The following ELP3 variants were observed in gnomAD, a reference collection of about 807,000 sequenced individuals.
The protein encoded by ELP3 is elongator complex protein 3.
A neutral mutation model predicts 74.9 loss-of-function variants in ELP3; 56 were observed. The observed-to-expected ratio is 0.75, with a 90% CI of 0.60 to 0.93. The LOEUF is 0.93. Among genes scored for constraint, ELP3 ranks in the 40% least tolerant of loss-of-function variants. The probability of loss-of-function intolerance (pLI) is 0.00; values close to 1 mark genes in which losing one functional copy is unlikely to be tolerated. For missense variants in ELP3, 573 were observed against 686.5 expected, an observed-to-expected ratio of 0.83 and a Z score of 1.85; for synonymous variants, 222 against 239.8, an observed-to-expected ratio of 0.93 and a Z score of 0.68.
intron 3 of ELP3, among the ~76,000 whole-genome samples, chr8:28,105,988 A>T (rs1811671061): frequency 6.6e-6 from 1 of 152,210 alleles, no homozygotes; most frequent in Non-Finnish European, 1.5e-5. Flanking sequence ...TGTGTTCATG[A>T]GGCGTTTGAG....
chr8:28,186,602 C>T (rs1815250411), intron 14 of ELP3, among the ~76,000 whole-genome samples: 1 of 152,186 alleles, frequency 6.6e-6, no homozygotes, highest in African/African-American at 2.4e-5. Flanking sequence ...GTTTTGGAGG[C>T]TGAAAAGTCC....
chr8:28,116,587 A>T (rs992583456), intron 7 of ELP3, among the ~76,000 whole-genome samples: 4 of 152,174 alleles, frequency 2.6e-5, no homozygotes, highest in African/African-American at 9.7e-5. Flanking sequence ...TAAAAATGTA[A>T]AAATTAGCTG....
chr8:28,108,457 C>CTTTTTT (rs33948469), intron 5 of ELP3, among the ~76,000 whole-genome samples: 7 of 117,570 alleles, frequency 6.0e-5, no homozygotes, highest in Non-Finnish European at 1.0e-4. Flanking sequence ...ATTTTTTTTT[C>CTTTTTT]TTTTTTTTTT....
chr8:28,120,054 G>A (rs888879101), intron 7 of ELP3, among the ~76,000 whole-genome samples: 2 of 152,134 alleles, frequency 1.3e-5, no homozygotes, highest in African/African-American at 4.8e-5. Context: ...AAACTTCAGC[G>A]TACGTTCTTG....
At chr8:28,137,649 G>T (rs1019614389) in intron 9 of ELP3, 49 bp from the exon 10 acceptor site, 2 of 1,569,008 alleles carry the variant, frequency 1.3e-6, no homozygotes, top group Non-Finnish European at 1.7e-6. Flanking sequence ...CACCCTCGGT[G>T]ATCTCTGCAT....
At chr8:28,179,381 T>C (rs952221534) in intron 14 of ELP3, among the ~76,000 whole-genome samples, 1 of 152,212 alleles carries the variant, frequency 6.6e-6, no homozygotes, top group Non-Finnish European at 1.5e-5. Flanking sequence ...ATACCTTTAG[T>C]TGGTAGCAAG....
intron 1 of ELP3, among the ~76,000 whole-genome samples, chr8:28,094,283 C>G (rs972166574): frequency 6.6e-6 from 1 of 152,244 alleles, no homozygotes; most frequent in Non-Finnish European, 1.5e-5. Flanking sequence ...GGCCGCCAAC[C>G]TCCTAACCCA....
chr8:28,160,276 A>C lies in ELP3; in HGVS notation c.1305A>C (p.Thr435=), dbSNP rs774523449. 1.9e-6 allele frequency: 3 copies of C among 1,614,192 alleles called. No homozygotes were observed. In the Admixed American group the frequency reaches 5.0e-5, roughly 27 times the overall value. The change falls in exon 13 of 15, where the codon ACA becomes ACC. Residue 435 remains threonine, a synonymous_variant. Transcript: ENST00000256398. ...ATGTTGCAAATGGTGGCTGGGAAAC[A>C]TTCTTGTCATACGAAGACCCAGATC... ...RDYVANGGWE[T]FLSYEDPDQD... is the part of the protein sequence containing the mutation.
chr8:28,105,211 G>T (rs202186353), intron 3 of ELP3, among the ~76,000 whole-genome samples: 4 of 151,020 alleles, frequency 2.6e-5, no homozygotes, highest in African/African-American at 9.8e-5. Flanking sequence ...GCAAAACCCT[G>T]TCTCTACTAA....
intron 6 of ELP3, among the ~76,000 whole-genome samples, chr8:28,111,255 G>A (rs765644788): frequency 5.3e-5 from 8 of 152,094 alleles, no homozygotes; most frequent in Admixed American, 6.6e-5. Flanking sequence ...GGATTTTATC[G>A]TATTTAAATT....
intron 12 of ELP3, 55 bp downstream of exon 12, chr8:28,158,688 C>T (rs535970119): frequency 5.7e-6 from 8 of 1,400,868 alleles, no homozygotes; most frequent in African/African-American, 5.7e-5. Context: ...TCTTTGCCAA[C>T]CCTGGGCCCA....
intron 10 of ELP3, among the ~76,000 whole-genome samples, chr8:28,142,806 G>A (rs1218298598): frequency 6.6e-6 from 1 of 152,036 alleles, no homozygotes; most frequent in Non-Finnish European, 1.5e-5. Flanking sequence ...TATTTTTTAT[G>A]TAGTTTTGGT....
chr8:28,155,309 A>G (rs1408737759), intron 10 of ELP3, among the ~76,000 whole-genome samples: 1 of 152,202 alleles, frequency 6.6e-6, no homozygotes. Context: ...AATGGAACTC[A>G]TAACTTCAGC....
rs182000083 is a variant in ELP3, at chr8:28,150,805, A to G, written c.1101-5137A>G. 3.4e-3 allele frequency among the ~76,000 whole-genome samples: 510 copies of G among 151,994 alleles called. 2 individuals carry two copies. The highest frequency in any genetic ancestry group is 4.2e-3 in the Non-Finnish European group (284 of 67,980). ...CAGTCACTTGTTTCAAATATTTCTT[A>G]TATTATTTTGTTTCTTCTCTTTCTG... On this transcript the variant is annotated intron_variant, in intron 10 of 14. Coordinates refer to ENST00000256398, the MANE Select transcript of ELP3 (RefSeq NM_018091.6).
At chr8:28,125,333 A>C (rs765159019) in intron 7 of ELP3, among the ~76,000 whole-genome samples, 2 of 152,238 alleles carry the variant, frequency 1.3e-5, no homozygotes, top group Non-Finnish European at 2.9e-5. Context: ...ATGAGGTTGC[A>C]GCATGTCCAC....
rs370161277 is a variant in ELP3 at position 28,093,220 on chromosome 8, G to A, written c.6G>A (p.Arg2=). 1.7e-5 allele frequency: 28 copies of A among 1,613,180 alleles called. No individual in the cohort carries two copies. The Middle Eastern group carries it at 8.2e-4, about 47-fold the overall frequency. Reference sequence around the variant, plus strand: ...TCTGCTACGGCGGCGCAGAAATGAGGCAGAAGCGGAAAGGTGCGAAAGGGG... The same window carrying A: ...TCTGCTACGGCGGCGCAGAAATGAGACAGAAGCGGAAAGGTGCGAAAGGGG... The part of the protein sequence containing the change: M[R]QKRKGDLSPA... Residue 2 remains arginine, a synonymous_variant, in exon 1 of 15, where the codon AGG becomes AGA. Transcript: ENST00000256398.
At chr8:28,131,779 G>A (rs962251604) in intron 8 of ELP3, among the ~76,000 whole-genome samples, 1 of 152,126 alleles carries the variant, frequency 6.6e-6, no homozygotes, top group African/African-American at 2.4e-5. Context: ...ACCCACCAGT[G>A]AAATCTATTT....
At chr8:28,111,989 T>C (rs1326957747) in intron 6 of ELP3, among the ~76,000 whole-genome samples, 2 of 152,202 alleles carry the variant, frequency 1.3e-5, no homozygotes, top group Non-Finnish European at 2.9e-5. Context: ...CACATGCATA[T>C]ATATAGTTTT....
chr8:28,093,358 A>G, intron 1 of ELP3, 125 bp downstream of exon 1: 1 of 1,344,602 alleles, frequency 7.4e-7, no homozygotes, highest in Non-Finnish European at 1.0e-6. Context: ...CCCGCCACCT[A>G]GGGTCAGTGT....
Sources: allele counts gnomAD v4.1 joint callset (sites outside exome capture counted in the v4.1 genomes callset), GRCh38; gene constraint gnomAD v4.1.1; transcripts MANE v1.5; gene names NCBI Gene and HGNC (gene_info 2026-07-23, HGNC 2026-07-21).